BCAS4: variants seen among roughly 807,000 people sequenced by gnomAD.
BCAS4 encodes breast carcinoma amplified sequence 4.
In BCAS4, 9 loss-of-function variants were observed where a neutral mutation model predicts 15.7. That is an observed-to-expected ratio of 0.57 (90% CI 0.34 to 1.00). BCAS4 has a LOEUF of 1.00. Among genes scored for constraint, BCAS4 ranks in the 50% least tolerant of loss-of-function variants. The pLI is 0.02. For synonymous variants in BCAS4, 101 were observed against 99.5 expected, an observed-to-expected ratio of 1.02 and a Z score of -0.09; for missense variants, 225 against 239.1, an observed-to-expected ratio of 0.94 and a Z score of 0.39.
chr20:50,819,177 T>A, intron 2 of BCAS4, among the ~76,000 whole-genome samples: 1 of 151,024 alleles, frequency 6.6e-6, no homozygotes, highest in African/African-American at 2.4e-5. Flanking sequence ...ATCAAGATTG[T>A]GTCTCAAAAA....
intron 1 of BCAS4, among the ~76,000 whole-genome samples, chr20:50,804,857 C>G (rs2087971021): frequency 6.6e-6 from 1 of 152,126 alleles, no homozygotes; most frequent in Non-Finnish European, 1.5e-5. Flanking sequence ...CTTCTCTGGG[C>G]AGTGGGTCGT....
chr20:50,799,020 C>T (rs1005856500), intron 1 of BCAS4, among the ~76,000 whole-genome samples: 1 of 152,168 alleles, frequency 6.6e-6, no homozygotes, highest in Admixed American at 6.5e-5. Context: ...AGGCTCCACG[C>T]TCCCCAAGCA....
intron 4 of BCAS4, among the ~76,000 whole-genome samples, chr20:50,870,373 G>A (rs1979575987): frequency 6.6e-6 from 1 of 152,218 alleles, no homozygotes; most frequent in Admixed American, 6.5e-5. Context: ...GGTGGGCTTG[G>A]CTTTAGAGCA....
At chr20:50,862,391 C>A (rs999055964) in intron 4 of BCAS4, among the ~76,000 whole-genome samples, 6 of 152,174 alleles carry the variant, frequency 3.9e-5, no homozygotes, top group African/African-American at 1.4e-4. Flanking sequence ...AAAAATTATT[C>A]CCCAGACCTT....
chr20:50,795,347 C>G (rs756148826), intron 1 of BCAS4, among the ~76,000 whole-genome samples, 174 bp downstream of exon 1: 38 of 152,146 alleles, frequency 2.5e-4, no homozygotes, highest in Non-Finnish European at 5.0e-4. Flanking sequence ...AGCGGGTCGT[C>G]CCTGCTCGCT....
intron 2 of BCAS4, among the ~76,000 whole-genome samples, chr20:50,828,704 G>T (rs898591815): frequency 6.6e-6 from 1 of 152,152 alleles, no homozygotes; most frequent in Non-Finnish European, 1.5e-5. Flanking sequence ...GCCTGGACCT[G>T]GGAGGCGGAG....
chr20:50,842,409 A>C (rs1436101342), intron 4 of BCAS4, among the ~76,000 whole-genome samples: 1 of 152,028 alleles, frequency 6.6e-6, no homozygotes, highest in Non-Finnish European at 1.5e-5. Flanking sequence ...GGAAGGAAGG[A>C]TCATGTGTCC....
At chr20:50,875,872 A>G in intron 4 of BCAS4, 2 of 449,010 alleles carry the variant, frequency 4.5e-6, no homozygotes, top group Non-Finnish European at 8.9e-6. Context: ...GTGTCGGTAT[A>G]GGTCCCTTTG....
chr20:50,837,273 A>G (rs1348860950), intron 3 of BCAS4, among the ~76,000 whole-genome samples: 3 of 152,184 alleles, frequency 2.0e-5, no homozygotes, highest in Non-Finnish European at 4.4e-5. Flanking sequence ...CCATGCTCTG[A>G]AGCTGGGAAT....
chr20:50,874,509 C>T (rs1385751879), intron 4 of BCAS4, among the ~76,000 whole-genome samples: 1 of 152,238 alleles, frequency 6.6e-6, no homozygotes, highest in Non-Finnish European at 1.5e-5. Context: ...CATAGGGTGG[C>T]ATTGTTTCTC....
chr20:50,873,747 A>G (rs963184260), intron 4 of BCAS4, among the ~76,000 whole-genome samples: 2 of 152,106 alleles, frequency 1.3e-5, no homozygotes, highest in African/African-American at 4.8e-5. Flanking sequence ...GCAGGAATAG[A>G]CCTTGTCTCC....
rs889413758 is a variant in BCAS4, at chr20:50,876,936, C to A, written c.*328C>A. Reference sequence around the variant, plus strand: ...CCACGTGTGGTGATGCCTCCCACATCGGCCTGCTTGGGGTTCTACAGGGGT... The same window carrying A: ...CCACGTGTGGTGATGCCTCCCACATAGGCCTGCTTGGGGTTCTACAGGGGT... On this transcript the variant is annotated 3_prime_UTR_variant, in exon 5 of 5. Transcript: ENST00000371608. 2 of 191,268 alleles carry A rather than the reference C, an allele frequency of 1.0e-5. No homozygotes were observed. Among genetic ancestry groups the A allele is most frequent in the Non-Finnish European group, 2.2e-5 (2 of 92,966 alleles). The allele number at this position is 191,268 out of a possible 1,614,324, so 11.8% of individuals were successfully genotyped here.
At chr20:50,878,178 CT>C (rs1313966976), downstream of BCAS4, 2 of 152,022 alleles carry the variant, frequency 1.3e-5, no homozygotes, top group Non-Finnish European at 2.9e-5. Flanking sequence ...ATTCTCTTTT[CT>C]TTTTTTTCGA....
chr20:50,835,510 C>T (rs2088397640), intron 3 of BCAS4, among the ~76,000 whole-genome samples: 1 of 152,116 alleles, frequency 6.6e-6, no homozygotes, highest in South Asian at 2.1e-4. Context: ...TCCTAAAGTG[C>T]TGGGATTACA....
intron 2 of BCAS4, among the ~76,000 whole-genome samples, chr20:50,821,613 A>C (rs1001839648): frequency 1.3e-5 from 2 of 152,180 alleles, no homozygotes; most frequent in African/African-American, 4.8e-5. Context: ...CACACCACGG[A>C]CCACTGTCCC....
Position 50,876,560 on chromosome 20 carries a change from C to T in BCAS4, c.474C>T (p.Asp158=), listed in dbSNP as rs369113968. The change falls in exon 5 of 5, where the codon GAC becomes GAT. Residue 158 remains aspartate, a synonymous_variant. Transcript: ENST00000371608. The part of the protein sequence containing the change: ...LYRTEDYFPV[D]AGEAQHHPRT... ...GGACGGAGGACTATTTTCCTGTGGA[C>T]GCCGGGGAAGCACAGCACCACCCCC... 45 of 1,614,060 alleles carry T rather than the reference C, an allele frequency of 2.8e-5. No individual in the cohort carries two copies. Among genetic ancestry groups the T allele is most frequent in the South Asian group, 1.4e-4 (13 of 91,064 alleles).
At chr20:50,822,752 C>T (rs2088231623) in intron 2 of BCAS4, among the ~76,000 whole-genome samples, 1 of 151,734 alleles carries the variant, frequency 6.6e-6, no homozygotes, top group Non-Finnish European at 1.5e-5. Context: ...TCTCGTGCCC[C>T]AGCAGCTGGG....
the BCAS4 span, chr20:50,882,534 C>CA: frequency 1.3e-5 from 2 of 152,174 alleles, no homozygotes; most frequent in Admixed American, 1.3e-4. Context: ...AGGATAAACA[C>CA]AAATTTGAGA....
At position 50,818,213 on chromosome 20, in the gene BCAS4, G is replaced by C. The variant is rs377675495; in HGVS notation, c.93G>C (p.Ala31=). The change falls in exon 2 of 5, where the codon GCG becomes GCC. Residue 31 remains alanine (A), a splice_region_variant and synonymous_variant. Transcript: ENST00000371608. ...CCAGGATATCGTCTCTTTTTCAGGC[G>C]AAGGAGGTGGAGGAGACCATCGAGG... is the stretch of plus-strand genomic sequence containing the variant. The part of the protein sequence containing the change: ...LFLTPEPGAE[A]KEVEETIEGM... The C allele has an allele frequency of 1.9e-6, 3 of 1,613,736 alleles. No homozygotes were observed. Among genetic ancestry groups the C allele is most frequent in the African/African-American group, 2.7e-5 (2 of 74,840 alleles).
Sources: allele counts gnomAD v4.1 joint callset (sites outside exome capture counted in the v4.1 genomes callset), GRCh38; gene constraint gnomAD v4.1.1; transcripts MANE v1.5; gene names NCBI Gene and HGNC (gene_info 2026-07-23, HGNC 2026-07-21).